The following CPNE5 variants were observed in gnomAD, a reference collection of about 807,000 sequenced individuals.
CPNE5 encodes copine-5.
A neutral mutation model predicts 81.1 loss-of-function variants in CPNE5; 42 were observed. That is an observed-to-expected ratio of 0.52 (90% CI 0.40 to 0.67). The LOEUF (loss-of-function observed/expected upper bound fraction) is 0.67, where lower values mean the gene tolerates loss of function less well. Ranked by LOEUF, CPNE5 falls within the 30% of genes least tolerant of loss-of-function variation. CPNE5 has a pLI of 0.00. For synonymous variants in CPNE5, 313 were observed against 321.5 expected, an observed-to-expected ratio of 0.97 and a Z score of 0.28; for missense variants, 612 against 815.5, an observed-to-expected ratio of 0.75 and a Z score of 3.04.
intron 3 of CPNE5, among the ~76,000 whole-genome samples, chr6:36,810,326 C>A (rs1222104532): frequency 2.0e-5 from 3 of 152,224 alleles, no homozygotes; most frequent in African/African-American, 7.2e-5. Context: ...GCTGCTCACC[C>A]TTCCCCAGCC....
At chr6:36,777,475 C>A (rs1767614565) in intron 9 of CPNE5, among the ~76,000 whole-genome samples, 1 of 152,152 alleles carries the variant, frequency 6.6e-6, no homozygotes, top group African/African-American at 2.4e-5. Flanking sequence ...CCCAGCCAGA[C>A]AAGCCCAGCT....
intron 10 of CPNE5, among the ~76,000 whole-genome samples, chr6:36,771,603 C>G (rs1202214126): frequency 6.6e-6 from 1 of 152,172 alleles, no homozygotes; most frequent in African/African-American, 2.4e-5. Context: ...AGGCTTGGGT[C>G]AATAGGCCCC....
At chr6:36,752,352 G>C (rs1285389542) in intron 14 of CPNE5, among the ~76,000 whole-genome samples, 1 of 151,966 alleles carries the variant, frequency 6.6e-6, no homozygotes, top group African/African-American at 2.4e-5. Context: ...GGGCCTCCTG[G>C]CTCCCCCATC....
In CPNE5 at chr6:36,741,886, T is replaced by G; in HGVS notation, c.*382A>C. The G allele has an allele frequency of 4.8e-6, 1 of 208,320 alleles. No individual in the cohort carries two copies. Among genetic ancestry groups the G allele is most frequent in the Non-Finnish European group, 9.6e-6 (1 of 104,360 alleles). 12.9% of individuals were successfully genotyped at this position (208,320 alleles called of 1,614,324 possible). On this transcript the variant is annotated 3_prime_UTR_variant, in exon 21 of 21. Transcript: ENST00000244751. Reference sequence around the variant, plus strand: ...ACACCATGGGAGGATGGGACGGAGATGGGGGGCTGGAGGAGGCCAAGCCCA... The same window carrying G: ...ACACCATGGGAGGATGGGACGGAGAGGGGGGGCTGGAGGAGGCCAAGCCCA...
At chr6:36,803,332 A>C in intron 3 of CPNE5, among the ~76,000 whole-genome samples, 1 of 151,168 alleles carries the variant, frequency 6.6e-6, no homozygotes, top group Non-Finnish European at 1.5e-5. Context: ...CCAACTCCCC[A>C]CCCCTCCTGT....
chr6:36,769,524 G>A (rs760412808), intron 10 of CPNE5, among the ~76,000 whole-genome samples: 2 of 152,258 alleles, frequency 1.3e-5, no homozygotes, highest in African/African-American at 4.8e-5. Flanking sequence ...CTGGCAGGGG[G>A]AAGGTTTCCC....
chr6:36,823,995 G>A (rs1297337990), intron 1 of CPNE5, among the ~76,000 whole-genome samples: 5 of 152,154 alleles, frequency 3.3e-5, no homozygotes, highest in African/African-American at 1.2e-4. Flanking sequence ...ACAGCCCAGT[G>A]GAAACGCAGT....
chr6:36,819,617 T>C (rs1771863244), intron 3 of CPNE5, among the ~76,000 whole-genome samples: 1 of 152,168 alleles, frequency 6.6e-6, no homozygotes, highest in African/African-American at 2.4e-5. Context: ...TTTCAGACTT[T>C]ATTAAGTCTT....
intron 6 of CPNE5, among the ~76,000 whole-genome samples, chr6:36,795,388 A>G (rs957960001): frequency 1.3e-5 from 2 of 152,206 alleles, no homozygotes; most frequent in African/African-American, 4.8e-5. Context: ...CATGTTGGCC[A>G]GGATGGTCTC....
Position 36,745,404 on chromosome 6 carries a change from C to T in CPNE5, c.1312G>A (p.Val438Ile), listed in dbSNP as rs1259901563. ...LYGPTNFAPV[V>I]THVARNAAAV... is the part of the protein sequence containing the mutation. ...GGCACTCACCTGGCCACGTGGGTGACCACGGGGGCAAAGTTGGTGGGGCCG... is the reference window on the plus strand; with the variant it reads ...GGCACTCACCTGGCCACGTGGGTGATCACGGGGGCAAAGTTGGTGGGGCCG... The change falls in exon 17 of 21, where the codon GTC becomes ATC. Residue 438 changes from valine (V) to isoleucine (I), a missense_variant. Transcript: ENST00000244751. The T allele has an allele frequency of 3.1e-6, 5 of 1,607,366 alleles. No individual in the cohort carries two copies. Among genetic ancestry groups the T allele is most frequent in the Non-Finnish European group, 4.2e-6 (5 of 1,177,762 alleles).
intron 8 of CPNE5, 135 bp downstream of exon 8, chr6:36,791,898 A>G: frequency 1.3e-6 from 1 of 784,742 alleles, no homozygotes; most frequent in Non-Finnish European, 2.2e-6. Context: ...CTGATGTTGC[A>G]AAATTCTATG....
chr6:36,798,640 A>G (rs1173417965), intron 4 of CPNE5, 146 bp from the exon 5 acceptor site: 7 of 704,930 alleles, frequency 9.9e-6, no homozygotes, highest in Non-Finnish European at 1.2e-5. Context: ...GTTGGAAGAC[A>G]TGACAGGGAG....
intron 8 of CPNE5, 114 bp downstream of exon 8, chr6:36,791,919 C>G: frequency 1.1e-6 from 1 of 885,668 alleles, no homozygotes; most frequent in Non-Finnish European, 1.9e-6. Context: ...ACAGCCAGGT[C>G]AGCATCAGGA....
intron 9 of CPNE5, among the ~76,000 whole-genome samples, 198 bp downstream of exon 9, chr6:36,778,656 G>A (rs559964650): frequency 6.6e-6 from 1 of 152,232 alleles, no homozygotes; most frequent in African/African-American, 2.4e-5. Context: ...AGAGGCTGCT[G>A]CCACCTCCCA....
intron 1 of CPNE5, among the ~76,000 whole-genome samples, chr6:36,830,620 G>T (rs1182885572): frequency 6.6e-6 from 1 of 152,166 alleles, no homozygotes; most frequent in Admixed American, 6.5e-5. Context: ...TGTAATAATT[G>T]TCCCTCTCAC....
chr6:36,743,792 G>A (rs1255002458), intron 19 of CPNE5, 30 bp from the exon 20 acceptor site: 2 of 1,594,126 alleles, frequency 1.3e-6, no homozygotes, highest in African/African-American at 1.3e-5. Flanking sequence ...ATGGGGCGGG[G>A]TGAGATTAAC....
intron 3 of CPNE5, among the ~76,000 whole-genome samples, chr6:36,806,370 C>T (rs1770591715): frequency 6.6e-6 from 1 of 152,176 alleles, no homozygotes; most frequent in African/African-American, 2.4e-5. Context: ...TTTCTTCCCA[C>T]TCCTGCCCAG....
intron 9 of CPNE5, 133 bp downstream of exon 9, chr6:36,778,721 G>A: frequency 1.5e-6 from 1 of 667,898 alleles, no homozygotes; most frequent in Non-Finnish European, 2.7e-6. Context: ...CTTCCACCCA[G>A]AGCCCTTGCC....
rs750242862 is a variant in CPNE5, at chr6:36,766,079, G to A, written c.738-703C>T. 3.3e-5 allele frequency among the ~76,000 whole-genome samples: 5 copies of A among 152,140 alleles called. No homozygotes were observed. The highest frequency in any genetic ancestry group is 2.1e-4 in the South Asian group (1 of 4,818). Reference sequence around the variant, plus strand: ...TGGGAGGAGGGAGGTGGAGGGTTGCGGTTAACCCTTGGTGCCAGCTGCTCG... The same window carrying A: ...TGGGAGGAGGGAGGTGGAGGGTTGCAGTTAACCCTTGGTGCCAGCTGCTCG... On this transcript the variant is annotated intron_variant, in intron 10 of 20. Coordinates refer to ENST00000244751, the MANE Select transcript of CPNE5 (RefSeq NM_020939.2). This position sits in a 1 kb window ranked among gnomAD's most constrained non-coding sequence, Gnocchi z 4.2.
Sources: gnomAD v4.1 joint callset for allele counts (sites outside exome capture counted in the v4.1 genomes callset) on GRCh38, gnomAD v4.1.1 for gene constraint, Gnocchi (gnomAD v3.1) non-coding constraint, MANE v1.5 for transcripts, NCBI Gene and HGNC (gene_info 2026-07-23, HGNC 2026-07-21) for gene names.